PDE10A: variants seen among roughly 807,000 people sequenced by gnomAD.
The protein encoded by PDE10A is cAMP and cAMP-inhibited cGMP 3',5'-cyclic phosphodiesterase 10A.
PDE10A carries 39 observed loss-of-function variants against 97.7 expected under a neutral mutation model. That is an observed-to-expected ratio of 0.40 (90% CI 0.31 to 0.52). The LOEUF is 0.52. PDE10A is among the 20% of genes least tolerant of loss of function. The pLI, the probability that PDE10A is intolerant of heterozygous loss-of-function variation, is 0.56. For missense variants in PDE10A, 731 were observed against 1,047.8 expected (o/e 0.70, Z 4.17); for synonymous variants, 371 against 376.8 (o/e 0.98, Z 0.18).
chr6:165,393,686 CA>C (rs1785901788), intron 15 of PDE10A, among the ~76,000 whole-genome samples: 1 of 152,100 alleles, frequency 6.6e-6, no homozygotes, highest in Non-Finnish European at 1.5e-5. Context: ...CCTTTTGAAA[CA>C]CTAATTTACA....
chr6:165,358,511 G>GT (rs58321856), intron 18 of PDE10A, among the ~76,000 whole-genome samples: 78,439 of 146,108 alleles, frequency 0.54, 21,218 homozygotes, highest in African/African-American at 0.66. Flanking sequence ...AGGTACACCA[G>GT]TTTTTTTTTT....
rs548596483 is a variant in PDE10A at position 165,362,696 on chromosome 6, A to C, written c.2783+16498T>G. ...TTCCAAAAAAACAGTAGAGGAGGGA[A>C]TACTTCCCAGCTAATTCCATGAGGC... On this transcript the variant is annotated intron_variant, in intron 18 of 21. Coordinates refer to ENST00000539869, the MANE Select transcript of PDE10A (RefSeq NM_001385079.1). Among the ~76,000 whole-genome samples, 35 of 152,306 alleles carry C rather than the reference A, an allele frequency of 2.3e-4. 1 individual carries two copies. The highest frequency in any genetic ancestry group is 7.9e-4 in the African/African-American group (33 of 41,590).
chr6:165,339,800 T>A (rs956730840), intron 19 of PDE10A, among the ~76,000 whole-genome samples: 1 of 152,216 alleles, frequency 6.6e-6, no homozygotes, highest in Non-Finnish European at 1.5e-5. Flanking sequence ...GACTAAAATG[T>A]GCTAGTAAAG....
Position 165,958,562 on chromosome 6 carries a change from A to AAAGAAAGG in PDE10A, c.-615+28966_-615+28967insCCTTTCTT, listed in dbSNP as rs1784235044. ...GAAAGAAAGAAAGAAAGAAAGAAAGAAAGACAGACAGAAAGAAAGACAGAA... is the reference window on the plus strand; with the variant it reads ...GAAAGAAAGAAAGAAAGAAAGAAAGAAAGAAAGGAAGACAGACAGAAAGAAAGACAGAA... On this transcript the variant is annotated intron_variant, in intron 1 of 19. Coordinates refer to the PDE10A transcript ENST00000366882. 9.1e-5 allele frequency among the ~76,000 whole-genome samples: 2 copies of AAAGAAAGG among 22,038 alleles called. 1 individual carries two copies. Among genetic ancestry groups the AAAGAAAGG allele is most frequent in the Non-Finnish European group, 2.0e-4 (2 of 9,816 alleles). The allele number at this position is 22,038 out of a possible 152,430, so 14.5% of individuals were successfully genotyped here.
At chr6:165,957,841 C>G (rs1784181919) in intron 1 of PDE10A, among the ~76,000 whole-genome samples, 1 of 152,166 alleles carries the variant, frequency 6.6e-6, no homozygotes, top group Non-Finnish European at 1.5e-5. Context: ...TGTTCTATCT[C>G]AATTTGAAAC....
chr6:165,483,287 T>C (rs1334540690), intron 2 of PDE10A, among the ~76,000 whole-genome samples: 1 of 152,234 alleles, frequency 6.6e-6, no homozygotes, highest in Non-Finnish European at 1.5e-5. Flanking sequence ...AAAAATGGAA[T>C]GTAGCTCAAT....
At chr6:165,375,560 A>G (rs1212820129) in intron 18 of PDE10A, among the ~76,000 whole-genome samples, 4 of 152,258 alleles carry the variant, frequency 2.6e-5, no homozygotes, top group Non-Finnish European at 2.9e-5. Context: ...TAAAAGCAGC[A>G]GGTTATTCAG....
chr6:165,785,629 A>G (rs537149011), intron 1 of PDE10A, among the ~76,000 whole-genome samples: 1 of 152,346 alleles, frequency 6.6e-6, no homozygotes, highest in African/African-American at 2.4e-5. Context: ...ATAGCCTTTT[A>G]TCAAATTTCT....
chr6:165,982,500 G>T (rs1323003643), intron 1 of PDE10A, among the ~76,000 whole-genome samples: 1 of 152,190 alleles, frequency 6.6e-6, no homozygotes, highest in Non-Finnish European at 1.5e-5. Context: ...ATTGGGGAGA[G>T]GGGAGAATAG....
intron 1 of PDE10A, among the ~76,000 whole-genome samples, chr6:165,588,763 G>A (rs930859450): frequency 1.3e-5 from 2 of 152,146 alleles, no homozygotes; most frequent in African/African-American, 4.8e-5. Context: ...TGGGTTCTGG[G>A]AGAAGACAGA....
chr6:165,959,972 G>C (rs903400060), intron 1 of PDE10A, among the ~76,000 whole-genome samples: 5 of 152,274 alleles, frequency 3.3e-5, no homozygotes, highest in Non-Finnish European at 7.4e-5. Context: ...AGCTGCACCA[G>C]CCACAGCAAG....
chr6:165,450,617 G>A (rs1312600621), intron 3 of PDE10A, among the ~76,000 whole-genome samples: 1 of 152,028 alleles, frequency 6.6e-6, no homozygotes, highest in Non-Finnish European at 1.5e-5. Flanking sequence ...CTGGAATGCA[G>A]TGGCACTATC....
At chr6:165,684,773 C>A (rs1338169984) in intron 1 of PDE10A, among the ~76,000 whole-genome samples, 1 of 152,184 alleles carries the variant, frequency 6.6e-6, no homozygotes, top group Non-Finnish European at 1.5e-5. Context: ...AACATATTTT[C>A]TTATGAAAAT....
intron 1 of PDE10A, among the ~76,000 whole-genome samples, chr6:165,763,816 T>C (rs1050361351): frequency 6.6e-6 from 1 of 152,256 alleles, no homozygotes; most frequent in Non-Finnish European, 1.5e-5. Context: ...GCAACCAGCA[T>C]AGGAAGCTTT....
At chr6:165,525,872 G>C (rs1035032296) in intron 2 of PDE10A, among the ~76,000 whole-genome samples, 2 of 152,084 alleles carry the variant, frequency 1.3e-5, no homozygotes, top group Non-Finnish European at 2.9e-5. Flanking sequence ...AAGTGAAACT[G>C]ATAGGAAGTC....
intron 10 of PDE10A, among the ~76,000 whole-genome samples, chr6:165,422,480 TAC>T (rs1788792500): frequency 1.4e-5 from 2 of 148,138 alleles, no homozygotes; most frequent in African/African-American, 5.0e-5. Context: ...CACATACGCA[TAC>T]ACACCTATGC....
intron 1 of PDE10A, chr6:165,949,167 C>T (rs1290503792): frequency 6.6e-6 from 1 of 152,224 alleles, no homozygotes; most frequent in Non-Finnish European, 1.5e-5. Context: ...GATATAGGCT[C>T]CATGGCAAGA....
In PDE10A at chr6:165,395,172, C is replaced by T. The variant is rs1201158977; in HGVS notation, c.2303+9G>A. On this transcript the variant is annotated intron_variant, in intron 15 of 21. Coordinates refer to ENST00000539869, the MANE Select transcript of PDE10A (RefSeq NM_001385079.1). ...TATTTCAAAAAGTAAATTTTAAAGT[C>T]ATTCATACCAGGATGTCCCACAGGA... is the stretch of plus-strand genomic sequence containing the variant. 2 of 1,593,644 alleles carry T rather than the reference C, an allele frequency of 1.3e-6. No homozygotes were observed. The highest frequency in any genetic ancestry group is 8.6e-7 in the Non-Finnish European group (1 of 1,162,220).
intron 2 of PDE10A, among the ~76,000 whole-genome samples, chr6:165,503,770 C>CTA: frequency 6.6e-6 from 1 of 151,878 alleles, no homozygotes; most frequent in Non-Finnish European, 1.5e-5. Context: ...TTACCTAAGA[C>CTA]TAAGTATCTA....
Sources: gnomAD v4.1 joint callset for allele counts (sites outside exome capture counted in the v4.1 genomes callset) on GRCh38, gnomAD v4.1.1 for gene constraint, MANE v1.5 for transcripts, NCBI Gene and HGNC (gene_info 2026-07-23, HGNC 2026-07-21) for gene names.